The following NTRK3 variants were observed in gnomAD, a reference collection of about 807,000 sequenced individuals.
The protein encoded by NTRK3 is NT-3 growth factor receptor.
Under a neutral mutation model 91.7 loss-of-function variants are expected in NTRK3, and 24 were observed. That is an observed-to-expected ratio of 0.26 (90% CI 0.19 to 0.37). The LOEUF is 0.37. NTRK3 is among the 10% of genes least tolerant of loss of function. NTRK3 has a pLI of 1.00. For synonymous variants in NTRK3, 483 were observed against 404.0 expected, an observed-to-expected ratio of 1.20 and a Z score of -2.34; for missense variants, 880 against 1,068.9, an observed-to-expected ratio of 0.82 and a Z score of 2.46.
At chr15:88,075,376 T>A (rs1196165056) in intron 13 of NTRK3, among the ~76,000 whole-genome samples, 1 of 152,210 alleles carries the variant, frequency 6.6e-6, no homozygotes, top group East Asian at 1.9e-4. Context: ...CAATAAAAAG[T>A]TATTATTCAG....
rs536263211 is a variant in NTRK3, at chr15:87,948,597, A to G, written c.1586-7844T>C. ...CAGCTACTTGGGAAGCTGAAGCAGG[A>G]GAATCGCTTGAACCTGGGAGGCGGA... On this transcript the variant is annotated intron_variant, in intron 14 of 18. Transcript: ENST00000394480. 6.6e-5 allele frequency among the ~76,000 whole-genome samples: 10 copies of G among 152,368 alleles called. No homozygotes were observed. The East Asian group carries it at 1.9e-3, about 29-fold the overall frequency.
At chr15:88,022,696 C>T (rs768501481) in intron 14 of NTRK3, among the ~76,000 whole-genome samples, 5 of 152,284 alleles carry the variant, frequency 3.3e-5, no homozygotes, top group East Asian at 1.9e-4. Context: ...CCCATCCCAC[C>T]GGGAAATGAC....
intron 14 of NTRK3, among the ~76,000 whole-genome samples, chr15:88,004,402 G>A (rs1167937506): frequency 1.3e-5 from 2 of 152,160 alleles, no homozygotes; most frequent in South Asian, 2.1e-4. Flanking sequence ...ACTCTCATGT[G>A]GGCAAGAAAA....
rs182231488 is a variant in NTRK3 at position 87,867,280 on chromosome 15, G to A, written c.*9655C>T. Reference sequence around the variant, plus strand: ...CAAGCTTGGTTGATGTGCAGGCTAGGAAAGAGGGAGATGAGCCAATAGGGC... The same window carrying A: ...CAAGCTTGGTTGATGTGCAGGCTAGAAAAGAGGGAGATGAGCCAATAGGGC... On this transcript the variant is annotated 3_prime_UTR_variant, in exon 19 of 19. Coordinates refer to ENST00000394480, the Ensembl canonical transcript of NTRK3. 8.8e-5 allele frequency: 20 copies of A among 226,534 alleles called. No individual in the cohort carries two copies. The East Asian group carries it at 1.2e-3, about 14-fold the overall frequency. 14.0% of individuals were successfully genotyped at this position (226,534 alleles called of 1,614,324 possible).
intron 14 of NTRK3, among the ~76,000 whole-genome samples, chr15:87,964,978 A>AT (rs549966266): frequency 6.6e-6 from 1 of 152,170 alleles, no homozygotes; most frequent in Non-Finnish European, 1.5e-5. Context: ...ATATGTGTGT[A>AT]TTTTTTTAAC....
At chr15:88,171,255 T>C (rs2045488314) in intron 5 of NTRK3, among the ~76,000 whole-genome samples, 1 of 152,194 alleles carries the variant, frequency 6.6e-6, no homozygotes, top group Non-Finnish European at 1.5e-5. Flanking sequence ...CCCTTTTTTC[T>C]ATCTCAATTT....
At chr15:87,888,733 G>A (rs1326428525) in intron 17 of NTRK3, among the ~76,000 whole-genome samples, 1 of 151,678 alleles carries the variant, frequency 6.6e-6, no homozygotes, top group Non-Finnish European at 1.5e-5. Flanking sequence ...TTATGTCCCA[G>A]ATATTGCATA....
chr15:88,097,703 C>A (rs555505631), intron 13 of NTRK3, among the ~76,000 whole-genome samples: 4 of 152,104 alleles, frequency 2.6e-5, no homozygotes, highest in African/African-American at 7.2e-5. Flanking sequence ...TTGAAAAGCA[C>A]GCAATCTTTA....
chr15:88,130,576 G>A (rs899604864), intron 10 of NTRK3, among the ~76,000 whole-genome samples: 6 of 151,948 alleles, frequency 3.9e-5, no homozygotes, highest in East Asian at 1.9e-4. Flanking sequence ...ACGCGCCCCC[G>A]AAACGATGCA....
At chr15:88,027,487 A>G (rs996194936) in intron 14 of NTRK3, among the ~76,000 whole-genome samples, 26 of 152,026 alleles carry the variant, frequency 1.7e-4, no homozygotes, top group African/African-American at 6.3e-4. Context: ...GGTTCATGAC[A>G]TTCTCCTGCC....
intron 14 of NTRK3, chr15:87,981,176 T>A: frequency 6.4e-7 from 1 of 1,552,062 alleles, no homozygotes; most frequent in Non-Finnish European, 8.7e-7. Context: ...CAAAATTGGT[T>A]AGGGGAGGGA....
rs920591542 is a variant in NTRK3, at chr15:88,011,793, C to G, written c.1585+21064G>C. On this transcript the variant is annotated intron_variant, in intron 14 of 18. Transcript: ENST00000394480. ...AAGTCTGCACAGCCAGATACTGCCC[C>G]TCCCTTCGCCTGCCACTGGGGTGAC... Among the ~76,000 whole-genome samples, 4 of 152,320 alleles carry G rather than the reference C, an allele frequency of 2.6e-5. No individual in the cohort carries two copies. The East Asian group carries it at 5.8e-4, about 22-fold the overall frequency.
At chr15:88,127,703 CT>C (rs1187235915) in intron 11 of NTRK3, among the ~76,000 whole-genome samples, 1 of 152,162 alleles carries the variant, frequency 6.6e-6, no homozygotes, top group Non-Finnish European at 1.5e-5. Context: ...TCCTTCTTTA[CT>C]CCTCAGTGAG....
intron 14 of NTRK3, among the ~76,000 whole-genome samples, chr15:88,024,190 G>A (rs549549546): frequency 6.6e-6 from 1 of 152,206 alleles, no homozygotes; most frequent in Admixed American, 6.5e-5. Context: ...TAAGCCGCTT[G>A]CACACTCTGA....
chr15:87,936,064 T>C (rs1472756575), intron 15 of NTRK3, among the ~76,000 whole-genome samples: 4 of 152,038 alleles, frequency 2.6e-5, no homozygotes, highest in African/African-American at 4.8e-5. Flanking sequence ...AGGAGGAAAA[T>C]AGGGCCGGTG....
At chr15:87,992,686 A>C (rs4887346) in intron 14 of NTRK3, among the ~76,000 whole-genome samples, 79,969 of 152,158 alleles carry the variant, frequency 0.53, 22,709 homozygotes, top group African/African-American at 0.75. Context: ...ACTGGTATGG[A>C]CCCTGGTTTG....
intron 6 of NTRK3, among the ~76,000 whole-genome samples, chr15:88,147,117 G>C (rs1488873488): frequency 6.6e-6 from 1 of 152,088 alleles, no homozygotes; most frequent in East Asian, 1.9e-4. Context: ...AGAGACTCCT[G>C]TCTTCTGAAA....
At chr15:88,063,281 T>C (rs186115280) in intron 13 of NTRK3, among the ~76,000 whole-genome samples, 10 of 152,376 alleles carry the variant, frequency 6.6e-5, no homozygotes, top group East Asian at 3.9e-4. Context: ...CATCATTTCT[T>C]GCTTTCCAGT....
chr15:88,060,061 G>T (rs188526292), intron 13 of NTRK3, among the ~76,000 whole-genome samples: 1 of 152,110 alleles, frequency 6.6e-6, no homozygotes, highest in Non-Finnish European at 1.5e-5. Flanking sequence ...CCTCACGGAG[G>T]TGACATCTTA....
Sources: allele counts gnomAD v4.1 joint callset (sites outside exome capture counted in the v4.1 genomes callset), GRCh38; gene constraint gnomAD v4.1.1; transcripts MANE v1.5; gene names NCBI Gene and HGNC (gene_info 2026-07-23, HGNC 2026-07-21).